KCNMA1: variants seen among roughly 807,000 people sequenced by gnomAD.
KCNMA1 encodes potassium calcium-activated channel subfamily M alpha 1.
Under a neutral mutation model 140.0 loss-of-function variants are expected in KCNMA1, and 29 were observed. The ratio of observed to expected loss-of-function variants is 0.21; its 90% CI spans 0.15 to 0.28. The LOEUF (loss-of-function observed/expected upper bound fraction) is 0.28. Ranked by LOEUF, KCNMA1 falls within the 10% of genes least tolerant of loss-of-function variation. KCNMA1 has a pLI of 1.00. For synonymous variants in KCNMA1, 612 were observed against 611.9 expected, an observed-to-expected ratio of 1.00 and a Z score of 0.00; for missense variants, 880 against 1,602.2, an observed-to-expected ratio of 0.55 and a Z score of 7.70.
intron 1 of KCNMA1, among the ~76,000 whole-genome samples, chr10:77,464,976 G>A (rs956355572): frequency 7.2e-5 from 11 of 152,160 alleles, no homozygotes; most frequent in Middle Eastern, 3.2e-3. Context: ...GACGACGGCC[G>A]TGTATAAATC....
intron 19 of KCNMA1, among the ~76,000 whole-genome samples, chr10:76,997,014 C>G (rs548253654): frequency 6.6e-6 from 1 of 152,290 alleles, no homozygotes; most frequent in South Asian, 2.1e-4. Flanking sequence ...GCTGTTTCCA[C>G]CCCCTGCCCT....
At chr10:77,051,129 A>G (rs2095346879) in intron 14 of KCNMA1, among the ~76,000 whole-genome samples, 1 of 152,190 alleles carries the variant, frequency 6.6e-6, no homozygotes, top group South Asian at 2.1e-4. Flanking sequence ...CCTAATTTCT[A>G]TTCAACTTTC....
At chr10:77,407,633 G>A (rs538416933) in intron 1 of KCNMA1, among the ~76,000 whole-genome samples, 7 of 152,216 alleles carry the variant, frequency 4.6e-5, no homozygotes, top group Non-Finnish European at 1.0e-4. Context: ...GCCCACCTGG[G>A]CTTGTACCTG....
intron 3 of KCNMA1, among the ~76,000 whole-genome samples, chr10:77,228,910 C>A (rs1163292715): frequency 6.6e-6 from 1 of 152,138 alleles, no homozygotes. Flanking sequence ...TGCTTGGGAC[C>A]AAGAAAAGAA....
intron 1 of KCNMA1, among the ~76,000 whole-genome samples, chr10:77,409,038 C>T (rs2096560648): frequency 1.3e-5 from 2 of 152,178 alleles, no homozygotes; most frequent in Admixed American, 6.5e-5. Flanking sequence ...ACCAGGCAAC[C>T]TCTCACGGGG....
At chr10:77,547,798 T>C (rs2061791630) in intron 1 of KCNMA1, among the ~76,000 whole-genome samples, 1 of 152,196 alleles carries the variant, frequency 6.6e-6, no homozygotes, top group Admixed American at 6.5e-5. Flanking sequence ...AGATAACCAT[T>C]TACAACAGGA....
chr10:77,347,811 T>A (rs554858830), intron 2 of KCNMA1, among the ~76,000 whole-genome samples: 48 of 152,300 alleles, frequency 3.2e-4, no homozygotes, highest in African/African-American at 1.0e-3. Flanking sequence ...ACTAACATAA[T>A]AATAGCTACC....
chr10:77,230,275 A>T (rs2053139627), intron 3 of KCNMA1, among the ~76,000 whole-genome samples: 1 of 152,232 alleles, frequency 6.6e-6, no homozygotes, highest in African/African-American at 2.4e-5. Flanking sequence ...AGTGGTTGTC[A>T]GGGCCTAGGA....
chr10:77,333,089 G>A (rs1360125678), intron 2 of KCNMA1, among the ~76,000 whole-genome samples: 1 of 152,100 alleles, frequency 6.6e-6, no homozygotes, highest in African/African-American at 2.4e-5. Context: ...GCCTCATCTG[G>A]TCAAGGAAGG....
chr10:77,296,166 C>T (rs1565802611), intron 2 of KCNMA1, among the ~76,000 whole-genome samples: 1 of 152,024 alleles, frequency 6.6e-6, no homozygotes, highest in Non-Finnish European at 1.5e-5. Flanking sequence ...CTTGATTATC[C>T]AGGTGGGCCC....
At chr10:77,093,235 C>T (rs561809028) in intron 9 of KCNMA1, among the ~76,000 whole-genome samples, 44 of 151,968 alleles carry the variant, frequency 2.9e-4, no homozygotes, top group African/African-American at 1.1e-3. Flanking sequence ...GAAAAAAAAC[C>T]TTCCTTCAAC....
At chr10:77,240,775 T>G (rs1458117590) in intron 3 of KCNMA1, among the ~76,000 whole-genome samples, 1 of 152,230 alleles carries the variant, frequency 6.6e-6, no homozygotes, top group African/African-American at 2.4e-5. Context: ...CAGCTCTCAT[T>G]GCAGTCCTCA....
chr10:77,265,596 G>A (rs774582732), intron 2 of KCNMA1, among the ~76,000 whole-genome samples: 17 of 152,186 alleles, frequency 1.1e-4, no homozygotes, highest in Admixed American at 8.5e-4. Context: ...GGAGAAAACC[G>A]GCTGGAGCTC....
chr10:76,913,184 C>A (rs1220497106), intron 24 of KCNMA1: 1 of 152,244 alleles, frequency 6.6e-6, no homozygotes, highest in Non-Finnish European at 1.5e-5. Context: ...TCCCACCTCT[C>A]TATCCACCCC....
At chr10:77,204,347 C>T (rs1046079228) in intron 3 of KCNMA1, among the ~76,000 whole-genome samples, 1 of 152,062 alleles carries the variant, frequency 6.6e-6, no homozygotes, top group African/African-American at 2.4e-5. Context: ...ATGAGAGGTC[C>T]AAGACCTGAG....
chr10:76,956,095 A>C (rs1481004618), intron 20 of KCNMA1, among the ~76,000 whole-genome samples: 1 of 152,210 alleles, frequency 6.6e-6, no homozygotes, highest in Non-Finnish European at 1.5e-5. Flanking sequence ...ACTTTTAGAA[A>C]ATGTGTGCCT....
At chr10:77,629,970 T>C (rs1215252529) in intron 1 of KCNMA1, among the ~76,000 whole-genome samples, 1 of 152,230 alleles carries the variant, frequency 6.6e-6, no homozygotes, top group East Asian at 1.9e-4. Context: ...CAGTGTGAGC[T>C]GTGAAAAACC....
chr10:77,357,327 A>AT (rs1374306936), intron 2 of KCNMA1, among the ~76,000 whole-genome samples: 1 of 152,216 alleles, frequency 6.6e-6, no homozygotes, highest in Non-Finnish European at 1.5e-5. Context: ...CAGTTAACAG[A>AT]TCCTGGCACC....
intron 1 of KCNMA1, among the ~76,000 whole-genome samples, chr10:77,560,385 G>C (rs1349109892): frequency 1.3e-5 from 2 of 152,150 alleles, no homozygotes; most frequent in Non-Finnish European, 2.9e-5. Flanking sequence ...AGAAAGAAAA[G>C]GTATTTCTTA....
Sources: allele counts gnomAD v4.1 joint callset (sites outside exome capture counted in the v4.1 genomes callset), GRCh38; gene constraint gnomAD v4.1.1; transcripts MANE v1.5; gene names NCBI Gene and HGNC (gene_info 2026-07-23, HGNC 2026-07-21).